Variants in PKN2 observed in about 807,000 individuals in gnomAD.
PKN2 encodes the protein serine/threonine-protein kinase N2.
Under a neutral mutation model 119.1 loss-of-function variants are expected in PKN2, and 38 were observed. The observed-to-expected ratio is 0.32, with a 90% confidence interval of 0.25 to 0.42. The LOEUF (loss-of-function observed/expected upper bound fraction) is 0.42. Among genes scored for constraint, PKN2 ranks in the 10% least tolerant of loss-of-function variants. The pLI is 1.00. For missense variants in PKN2, 850 were observed against 1,165.1 expected, an observed-to-expected ratio of 0.73 and a Z score of 3.94; for synonymous variants, 390 against 384.9, an observed-to-expected ratio of 1.01 and a Z score of -0.15.
At chr1:88,800,553 T>G (rs570062333) in intron 8 of PKN2, among the ~76,000 whole-genome samples, 2 of 152,334 alleles carry the variant, frequency 1.3e-5, no homozygotes, top group Admixed American at 1.3e-4. Context: ...ATGTTGAAAC[T>G]ATGAACTACC....
intron 6 of PKN2, among the ~76,000 whole-genome samples, chr1:88,773,736 A>G (rs961981662): frequency 3.9e-5 from 6 of 152,124 alleles, no homozygotes; most frequent in African/African-American, 1.4e-4. Context: ...TCATGATTCC[A>G]CCACTGCACT....
intron 8 of PKN2, among the ~76,000 whole-genome samples, chr1:88,803,023 A>G (rs917747735): frequency 5.3e-5 from 8 of 152,294 alleles, no homozygotes; most frequent in Admixed American, 2.0e-4. Context: ...TTTAACTTCA[A>G]TAGAATATTA....
intron 1 of PKN2, among the ~76,000 whole-genome samples, chr1:88,728,042 G>A (rs1295187883): frequency 8.5e-6 from 1 of 118,232 alleles, no homozygotes; most frequent in Non-Finnish European, 1.8e-5. Flanking sequence ...TTTATTCTTT[G>A]GTTTTGGGTT....
intron 2 of PKN2, among the ~76,000 whole-genome samples, chr1:88,756,014 G>A (rs1570583374): frequency 6.6e-6 from 1 of 151,628 alleles, no homozygotes; most frequent in Non-Finnish European, 1.5e-5. Flanking sequence ...CTGGGTTCAA[G>A]CAATTCTCCT....
chr1:88,739,185 A>G (rs916628198), intron 1 of PKN2, among the ~76,000 whole-genome samples: 36 of 152,152 alleles, frequency 2.4e-4, no homozygotes, highest in Non-Finnish European at 4.7e-4. Context: ...ATTCTTAGCT[A>G]GAAACAGGCT....
chr1:88,793,311 A>G (rs919954498), intron 8 of PKN2, among the ~76,000 whole-genome samples: 5 of 152,196 alleles, frequency 3.3e-5, no homozygotes, highest in African/African-American at 1.2e-4. Flanking sequence ...CATTCATGAC[A>G]TATCTTTGTT....
intron 8 of PKN2, among the ~76,000 whole-genome samples, chr1:88,798,043 A>G (rs1417631178): frequency 6.6e-6 from 1 of 152,114 alleles, no homozygotes; most frequent in Non-Finnish European, 1.5e-5. Flanking sequence ...AAAGAATGCA[A>G]AAGCACCAGA....
chr1:88,778,685 C>G (rs747523132), intron 6 of PKN2, among the ~76,000 whole-genome samples: 4 of 152,112 alleles, frequency 2.6e-5, no homozygotes, highest in African/African-American at 4.8e-5. Flanking sequence ...CAGATGCCCT[C>G]CACTTAGCTG....
chr1:88,722,259 G>A (rs562786243), intron 1 of PKN2, among the ~76,000 whole-genome samples: 1 of 152,266 alleles, frequency 6.6e-6, no homozygotes, highest in East Asian at 1.9e-4. Context: ...TTTACTCACT[G>A]TATAATATTC....
At chr1:88,710,484 G>T (rs763050304) in intron 1 of PKN2, among the ~76,000 whole-genome samples, 2 of 152,148 alleles carry the variant, frequency 1.3e-5, no homozygotes, top group Non-Finnish European at 2.9e-5. Flanking sequence ...CACTATTTTA[G>T]AAAAGACACA....
At chr1:88,727,011 A>C (rs1473332585) in intron 1 of PKN2, among the ~76,000 whole-genome samples, 1 of 151,928 alleles carries the variant, frequency 6.6e-6, no homozygotes, top group East Asian at 1.9e-4. Context: ...TACTACTTCT[A>C]TCTGTCTGAG....
chr1:88,805,171 T>G (rs767911312), intron 10 of PKN2, among the ~76,000 whole-genome samples: 12 of 152,146 alleles, frequency 7.9e-5, no homozygotes, highest in Non-Finnish European at 1.3e-4. Context: ...CTCTCACTAC[T>G]TTCTCAAATT....
chr1:88,733,062 A>G (rs1037066574), intron 1 of PKN2, among the ~76,000 whole-genome samples: 1 of 152,214 alleles, frequency 6.6e-6, no homozygotes, highest in African/African-American at 2.4e-5. Context: ...GGAATATGTA[A>G]CAAGAAACAT....
At chr1:88,826,885 G>T (rs912488175) in intron 18 of PKN2, among the ~76,000 whole-genome samples, 1 of 152,042 alleles carries the variant, frequency 6.6e-6, no homozygotes, top group African/African-American at 2.4e-5. Context: ...AACTTACATA[G>T]ATATTAATAC....
chr1:88,785,453 T>A (rs1670534172), intron 7 of PKN2, among the ~76,000 whole-genome samples: 1 of 152,206 alleles, frequency 6.6e-6, no homozygotes, highest in South Asian at 2.1e-4. Flanking sequence ...AGTGACACTT[T>A]AATAGTAACA....
In PKN2 at chr1:88,734,242, T is replaced by G. The variant is rs111713889; in HGVS notation, c.49-6746T>G. On this transcript the variant is annotated intron_variant, in intron 1 of 21. Coordinates refer to ENST00000370521, the MANE Select transcript of PKN2 (RefSeq NM_006256.4). ...CTGTTTTTGCTTTTGTTGCCCATGC[T>G]TTTCAGGTTTTGTCCAAAATATTCT... 1.0e-2 allele frequency among the ~76,000 whole-genome samples: 1,520 copies of G among 152,278 alleles called. 22 individuals are homozygous for G. Among genetic ancestry groups the G allele is most frequent in the African/African-American group, 0.035 (1,435 of 41,534 alleles).
chr1:88,684,644 C>G lies in PKN2; in HGVS notation c.48+16C>G. 6.5e-7 allele frequency: 1 copy of G among 1,530,580 alleles called. No homozygotes were observed. The allele number at this position is 1,530,580 out of a possible 1,614,324, so 94.8% of individuals were successfully genotyped here. A position where few individuals can be genotyped will look rare whatever the true frequency, so the allele number is the denominator to read the frequency against. On this transcript the variant is annotated intron_variant, in intron 1 of 21. Coordinates refer to ENST00000370521, the MANE Select transcript of PKN2 (RefSeq NM_006256.4). The stretch of plus-strand genomic sequence containing the variant: ...GGAACTGCAGGTAAGGGCCGCGGCC[C>G]TGGTGAGAGGCGCTGGCGGAGGAGA...
rs79622808 is a variant in PKN2 at position 88,832,541 on chromosome 1, T to A, written c.2563-203T>A. Among the ~76,000 whole-genome samples the A allele has an allele frequency of 3.0e-3, 450 of 152,142 alleles. 4 individuals carry two copies. Among genetic ancestry groups the A allele is most frequent in the African/African-American group, 0.01 (428 of 41,556 alleles). ...AAGAGTATATGGTGTATTCCCTCTG[T>A]AATAGATACATATCTGTTGTCACTT... On this transcript the variant is annotated intron_variant, in intron 19 of 21. Coordinates refer to ENST00000370521, the MANE Select transcript of PKN2 (RefSeq NM_006256.4).
chr1:88,725,843 A>G (rs549773641), intron 1 of PKN2, among the ~76,000 whole-genome samples: 3 of 152,182 alleles, frequency 2.0e-5, no homozygotes, highest in Non-Finnish European at 4.4e-5. Context: ...TTTCTAAAAG[A>G]TAAAGGGGAA....
Sources: allele counts gnomAD v4.1 joint callset (sites outside exome capture counted in the v4.1 genomes callset), GRCh38; gene constraint gnomAD v4.1.1; transcripts MANE v1.5; gene names NCBI Gene and HGNC (gene_info 2026-07-23, HGNC 2026-07-21).